Variants in TRMT2B observed in about 807,000 individuals in gnomAD.
TRMT2B encodes tRNA (uracil-5-)-methyltransferase homolog B.
Under a neutral mutation model 39.7 loss-of-function variants are expected in TRMT2B, and 34 were observed. The ratio of observed to expected loss-of-function variants is 0.86; its 90% CI spans 0.65 to 1.14. The LOEUF is 1.14. TRMT2B is among the 50% of genes most tolerant of loss of function. TRMT2B has a pLI of 0.00. For missense variants in TRMT2B, 318 were observed against 377.2 expected (o/e 0.84, Z 1.30); for synonymous variants, 132 against 137.3 (o/e 0.96, Z 0.27).
chrX:100,977,366 CTTCTTTTTTTTTTTTT>C, the TRMT2B span, among the ~76,000 whole-genome samples: 1 of 78,172 alleles, frequency 1.3e-5, no homozygotes, highest in Non-Finnish European at 2.3e-5. Context: ...CTTCTACTCT[CTTCTTTTTTTTTTTTT>C]TTTTTTTTTT....
chrX:101,010,786 C>A, intron 13 of TRMT2B, 79 bp from the exon 14 acceptor site: 16 of 1,029,865 alleles, frequency 1.6e-5, no homozygotes, highest in Non-Finnish European at 2.1e-5. Context: ...AAAATAGAGG[C>A]CCTTCCACTG....
At chrX:100,999,622 T>C in the TRMT2B span, among the ~76,000 whole-genome samples, 1 of 112,250 alleles carries the variant, frequency 8.9e-6, no homozygotes, top group African/African-American at 3.2e-5. Context: ...TACCAACGCC[T>C]GTGTCCCACC....
At chrX:100,988,851 C>CATATAT in the TRMT2B span, among the ~76,000 whole-genome samples, 2,803 of 79,541 alleles carry the variant, frequency 0.035, 53 homozygotes, top group Non-Finnish European at 0.044. Flanking sequence ...TAATATATCT[C>CATATAT]ATATATATAT....
At chrX:101,011,592 T>TA (rs1016518550) in intron 13 of TRMT2B, among the ~76,000 whole-genome samples, 1 of 110,313 alleles carries the variant, frequency 9.1e-6, no homozygotes, top group African/African-American at 3.3e-5. Context: ...TACCAAAAAA[T>TA]AAAAAATAAA....
intron 13 of TRMT2B, among the ~76,000 whole-genome samples, chrX:101,014,095 A>G (rs1280775832): frequency 9.0e-6 from 1 of 111,221 alleles, no homozygotes; most frequent in East Asian, 2.8e-4. Flanking sequence ...CCCCGCAAAA[A>G]AAAGCATCAA....
At chrX:101,041,286 G>C (rs898169181) in intron 4 of TRMT2B, 31 bp downstream of exon 4, 1 of 1,187,763 alleles carries the variant, frequency 8.4e-7, no homozygotes. Flanking sequence ...CTCCTGGAAA[G>C]GAGGGGTAAA....
At chrX:100,993,005 G>A in the TRMT2B span, among the ~76,000 whole-genome samples, 81 of 112,222 alleles carry the variant, frequency 7.2e-4, no homozygotes, top group African/African-American at 2.5e-3. Flanking sequence ...GTCTGACACT[G>A]TAGATGGTTG....
At chrX:100,974,034 A>T in the TRMT2B span, 1 of 721,550 alleles carries the variant, frequency 1.4e-6, no homozygotes. Flanking sequence ...CTGCAGGCAG[A>T]GTCCCAAACA....
chrX:101,021,418 C>T, intron 9 of TRMT2B, 103 bp from the exon 10 acceptor site: 1 of 691,694 alleles, frequency 1.4e-6, no homozygotes, highest in Non-Finnish European at 2.2e-6. Context: ...CACCTAAGGT[C>T]AGGAGTTCGA....
chrX:100,989,676 T>C, the TRMT2B span, among the ~76,000 whole-genome samples: 1 of 111,403 alleles, frequency 9.0e-6, no homozygotes, highest in Admixed American at 9.6e-5. Flanking sequence ...AATACAAAAA[T>C]AAGCTATGAG....
intron 7 of TRMT2B, among the ~76,000 whole-genome samples, chrX:101,027,442 C>T (rs2087173891): frequency 9.3e-6 from 1 of 107,444 alleles, no homozygotes; most frequent in African/African-American, 3.4e-5. Context: ...CAGGGTTTAA[C>T]CATATTGGTC....
chrX:100,983,626 G>T, the TRMT2B span, among the ~76,000 whole-genome samples: 1 of 111,448 alleles, frequency 9.0e-6, no homozygotes, highest in African/African-American at 3.3e-5. Flanking sequence ...CAAAGTGCTG[G>T]AATTACAGGT....
chrX:101,002,157 G>A, the TRMT2B span, among the ~76,000 whole-genome samples: 2 of 111,141 alleles, frequency 1.8e-5, no homozygotes, highest in African/African-American at 3.3e-5. Flanking sequence ...TCAATTCCCC[G>A]TATGGCCTGC....
At chrX:101,020,618 G>C in intron 10 of TRMT2B, 30 bp from the exon 11 acceptor site, 1 of 1,055,201 alleles carries the variant, frequency 9.5e-7, no homozygotes, top group Non-Finnish European at 1.3e-6. Flanking sequence ...GAAGAAGAAG[G>C]CATTTTAGGG....
intron 2 of TRMT2B, among the ~76,000 whole-genome samples, chrX:101,048,644 T>C (rs867515080): frequency 1.8e-5 from 2 of 112,001 alleles, no homozygotes; most frequent in Middle Eastern, 9.3e-3. Flanking sequence ...CTCATCATGT[T>C]GGCCACCCTG....
the TRMT2B span, chrX:100,988,535 A>T: frequency 9.0e-7 from 1 of 1,107,581 alleles, no homozygotes; most frequent in Non-Finnish European, 1.2e-6. Context: ...CCAGCTCCAT[A>T]TGCTGATGAC....
rs1219505250 is a variant in TRMT2B at position 101,022,865 on chromosome X, T to C, written c.756+605A>G. Among the ~76,000 whole-genome samples the C allele has an allele frequency of 3.6e-5, 4 of 111,604 alleles. No individual in the cohort carries two copies. The East Asian group carries it at 8.4e-4, about 23-fold the overall frequency. ...AGTATTAGCTTGATACCAGGATATA[T>C]TGCAATAAACCATGTAGGAACAATA... On this transcript the variant is annotated intron_variant, in intron 8 of 13. Transcript: ENST00000372936.
At chrX:101,017,883 TA>T (rs750993145) in intron 13 of TRMT2B, among the ~76,000 whole-genome samples, 1 of 111,940 alleles carries the variant, frequency 8.9e-6, no homozygotes, top group East Asian at 2.8e-4. Context: ...CCCACCTTTT[TA>T]AAAAAATGTA....
chrX:100,982,653 T>C, the TRMT2B span, among the ~76,000 whole-genome samples: 5 of 101,316 alleles, frequency 4.9e-5, no homozygotes, highest in African/African-American at 1.8e-4. Context: ...AGTTTTCTTT[T>C]TTTTTTTTTT....
Sources: allele counts gnomAD v4.1 joint callset (sites outside exome capture counted in the v4.1 genomes callset), GRCh38; gene constraint gnomAD v4.1.1; transcripts MANE v1.5; gene names NCBI Gene and HGNC (gene_info 2026-07-23, HGNC 2026-07-21).